Variants in ZSCAN2 observed in about 807,000 individuals in gnomAD.
ZSCAN2 encodes zinc finger and SCAN domain-containing protein 2.
ZSCAN2 carries 26 observed loss-of-function variants against 47.8 expected under a neutral mutation model. The observed-to-expected ratio is 0.54, with a 90% CI of 0.40 to 0.75. The LOEUF (loss-of-function observed/expected upper bound fraction) is 0.75. ZSCAN2 is among the 30% of genes least tolerant of loss of function. ZSCAN2 has a pLI of 0.00. For synonymous variants in ZSCAN2, 305 were observed against 288.7 expected, an observed-to-expected ratio of 1.06 and a Z score of -0.57; for missense variants, 732 against 785.4, an observed-to-expected ratio of 0.93 and a Z score of 0.81.
chr15:84,616,544 C>T, intron 2 of ZSCAN2: 1 of 1,317,482 alleles, frequency 7.6e-7, no homozygotes, highest in Non-Finnish European at 9.7e-7. Context: ...GAAGCCCTGA[C>T]ATGTATTTTG....
chr15:84,618,083 C>T (rs1277378401), intron 2 of ZSCAN2, among the ~76,000 whole-genome samples: 1 of 152,112 alleles, frequency 6.6e-6, no homozygotes, highest in African/African-American at 2.4e-5. Flanking sequence ...ATTAATTGAG[C>T]ATCTAACCTT....
chr15:84,608,437 G>A (rs576911288), intron 2 of ZSCAN2, among the ~76,000 whole-genome samples: 1 of 151,678 alleles, frequency 6.6e-6, no homozygotes, highest in South Asian at 2.1e-4. Flanking sequence ...GGAGGCTGAG[G>A]CAGGAGAATC....
intron 2 of ZSCAN2, among the ~76,000 whole-genome samples, chr15:84,612,495 G>T (rs1895578093): frequency 6.6e-6 from 1 of 152,200 alleles, no homozygotes; most frequent in Admixed American, 6.5e-5. Context: ...AGCACTTTGG[G>T]AGGCCGAGGC....
intron 2 of ZSCAN2, among the ~76,000 whole-genome samples, chr15:84,608,962 C>T (rs945900530): frequency 6.6e-6 from 1 of 152,198 alleles, no homozygotes; most frequent in African/African-American, 2.4e-5. Context: ...TTGAAAAGCA[C>T]TACCCAGGAG....
At chr15:84,602,844 C>G (rs931144830) in intron 1 of ZSCAN2, among the ~76,000 whole-genome samples, 4 of 152,110 alleles carry the variant, frequency 2.6e-5, no homozygotes, top group Non-Finnish European at 4.4e-5. Context: ...CTGCCGAGGC[C>G]TCCCAAAGTG....
rs200130487 is a variant in ZSCAN2 at position 84,620,822 on chromosome 15, C to T, written c.627C>T (p.Leu209=). ...VVSQDREVGQ[L]IGLQGTYLGE... is the part of the protein sequence containing the mutation. Reference sequence around the variant, plus strand: ...CTCAGGACAGGGAAGTTGGCCAGCTCATAGGCCTGCAGGGCACCTACCTAG... The same window carrying T: ...CTCAGGACAGGGAAGTTGGCCAGCTTATAGGCCTGCAGGGCACCTACCTAG... The change falls in exon 3 of 3, where the codon CTC becomes CTT. Residue 209 remains leucine, a synonymous_variant. Transcript: ENST00000546148. The T allele has an allele frequency of 4.2e-5, 68 of 1,614,216 alleles. No homozygotes were observed. Among genetic ancestry groups the T allele is most frequent in the Non-Finnish European group, 5.4e-5 (64 of 1,180,038 alleles).
At chr15:84,616,813 C>A (rs955187846) in intron 2 of ZSCAN2, among the ~76,000 whole-genome samples, 3 of 152,134 alleles carry the variant, frequency 2.0e-5, no homozygotes, top group Non-Finnish European at 4.4e-5. Flanking sequence ...GGGCTCTGTG[C>A]TCAAAACTTG....
At chr15:84,604,938 A>G (rs763720905) in intron 2 of ZSCAN2, among the ~76,000 whole-genome samples, 12 of 151,942 alleles carry the variant, frequency 7.9e-5, no homozygotes, top group Non-Finnish European at 1.6e-4. Flanking sequence ...GGGCTTCACC[A>G]TGTTCGCCAG....
At chr15:84,619,306 T>G (rs1382038684) in intron 2 of ZSCAN2, among the ~76,000 whole-genome samples, 2 of 151,852 alleles carry the variant, frequency 1.3e-5, no homozygotes, top group South Asian at 2.1e-4. Context: ...GGTGGGCGCC[T>G]GTAGTCCCAG....
In ZSCAN2 at chr15:84,606,533, A is replaced by G. The variant is rs770636574; in HGVS notation, c.406+2200A>G. The G allele has an allele frequency of 9.9e-6, 16 of 1,611,642 alleles. No individual in the cohort carries two copies. The South Asian group carries it at 1.4e-4, about 14-fold the overall frequency. ...ACCTGTCTCCCTATTTTACAGCTGT[A>G]GCTGTCGTTGCTTCCCTTCCGGTGG... On this transcript the variant is annotated intron_variant, in intron 2 of 2. Coordinates refer to ENST00000546148, the MANE Select transcript of ZSCAN2 (RefSeq NM_181877.4).
rs943512585 is a variant in ZSCAN2, at chr15:84,620,800, A to G, written c.605A>G (p.Gln202Arg). Residue 202 changes from glutamine (Q) to arginine (R), a missense_variant, in exon 3 of 3, where the codon CAG becomes CGG. Coordinates refer to ENST00000546148, the MANE Select transcript of ZSCAN2 (RefSeq NM_181877.4). Reference protein sequence around the residue: ...PGEDHGEVVSQDREVGQLIGL... With the variant: ...PGEDHGEVVSRDREVGQLIGL... The stretch of plus-strand genomic sequence containing the variant: ...GAGGACCACGGGGAGGTGGTTTCTC[A>G]GGACAGGGAAGTTGGCCAGCTCATA... 2 of 1,614,232 alleles carry G rather than the reference A, an allele frequency of 1.2e-6. No homozygotes were observed. The highest frequency in any genetic ancestry group is 2.2e-5 in the South Asian group (2 of 91,090).
chr15:84,621,685 C>A lies in ZSCAN2; in HGVS notation c.1490C>A (p.Thr497Lys). ...SNLLKHQRIH[T>K]GEKPYKCSEC... ...CTCCTCAAGCACCAGAGGATCCACA[C>A]GGGAGAGAAACCCTACAAATGCAGC... The change falls in exon 3 of 3, where the codon ACG becomes AAG. Residue 497 changes from threonine (T) to lysine (K), a missense_variant. Around this residue, in one of 2 missense-constraint regions of ZSCAN2, gnomAD observed 412 missense variants for 498.0 expected, o/e 0.83. Transcript: ENST00000546148. The surrounding 1 kb of genome is among the most constrained non-coding windows in gnomAD (Gnocchi z 5.7). 2 of 1,614,176 alleles carry A rather than the reference C, an allele frequency of 1.2e-6. No homozygotes were observed. Among genetic ancestry groups the A allele is most frequent in the Non-Finnish European group, 1.7e-6 (2 of 1,180,026 alleles).
At chr15:84,609,283 T>C (rs1304289107) in intron 2 of ZSCAN2, among the ~76,000 whole-genome samples, 1 of 151,290 alleles carries the variant, frequency 6.6e-6, no homozygotes, top group Non-Finnish European at 1.5e-5. Context: ...CTATGATATA[T>C]ATCATATATG....
At chr15:84,603,691 A>G (rs1354135633) in intron 1 of ZSCAN2, 129 bp from the exon 2 acceptor site, 2 of 439,512 alleles carry the variant, frequency 4.6e-6, no homozygotes, top group Non-Finnish European at 8.1e-6. Flanking sequence ...TTTTTCTTTA[A>G]GAAGAACAGG....
chr15:84,616,054 C>T (rs777056119), intron 2 of ZSCAN2, among the ~76,000 whole-genome samples: 22 of 151,892 alleles, frequency 1.4e-4, no homozygotes, highest in Non-Finnish European at 2.6e-4. Context: ...GCCAACATGG[C>T]GACACCCCAT....
chr15:84,621,536 G>C lies in ZSCAN2; in HGVS notation c.1341G>C (p.Lys447Asn). Residue 447 changes from lysine (K) to asparagine (N), a missense_variant, in exon 3 of 3, where the codon AAG becomes AAC. This residue lies in a region of ZSCAN2 where 412 missense variants were observed against 498.0 expected (regional missense o/e 0.83). Transcript: ENST00000546148. The surrounding 1 kb of genome is among the most constrained non-coding windows in gnomAD (Gnocchi z 5.7). ...CCCACATGGTGGAGAAGCCCTATAA[G>C]TGTGGGGTGTGTGGGAAGAGCTTCA... Reference protein sequence around the residue: ...RRTHMVEKPYKCGVCGKSFSQ... With the variant: ...RRTHMVEKPYNCGVCGKSFSQ... The C allele has an allele frequency of 1.5e-5, 25 of 1,613,678 alleles. No homozygotes were observed. The highest frequency in any genetic ancestry group is 2.1e-5 in the Non-Finnish European group (25 of 1,179,920).
chr15:84,601,540 A>T (rs1895202717), intron 1 of ZSCAN2, among the ~76,000 whole-genome samples: 1 of 152,058 alleles, frequency 6.6e-6, no homozygotes, highest in African/African-American at 2.4e-5. Flanking sequence ...CTTACACCAT[A>T]TGCCAGTATT....
chr15:84,615,529 C>T (rs1895671314), intron 2 of ZSCAN2, among the ~76,000 whole-genome samples: 1 of 152,074 alleles, frequency 6.6e-6, no homozygotes, highest in African/African-American at 2.4e-5. Context: ...TGGGGTGTTG[C>T]CATGTTTCCT....
At chr15:84,618,923 C>G (rs1190433968) in intron 2 of ZSCAN2, among the ~76,000 whole-genome samples, 1 of 152,094 alleles carries the variant, frequency 6.6e-6, no homozygotes, top group Non-Finnish European at 1.5e-5. Flanking sequence ...GAAGCCAACA[C>G]ACTATTCAGT....
Sources: gnomAD v4.1 joint callset for allele counts (sites outside exome capture counted in the v4.1 genomes callset) on GRCh38, gnomAD v4.1.1 for gene constraint, gnomAD v4.1.1 regional missense constraint, Gnocchi (gnomAD v3.1) non-coding constraint, MANE v1.5 for transcripts, NCBI Gene and HGNC (gene_info 2026-07-23, HGNC 2026-07-21) for gene names.